WHR1: variants seen among roughly 807,000 people sequenced by gnomAD.
WHR1 encodes MHC class III HLA-RP1.
chr6:31,975,176 G>C, the WHR1 span, among the ~76,000 whole-genome samples: 1 of 150,892 alleles, frequency 6.6e-6, no homozygotes, highest in Admixed American at 6.6e-5. Flanking sequence ...GGTGACTGCT[G>C]TGGTCATTGT....
chr6:31,972,075 G>A, the WHR1 span: 3 of 1,612,982 alleles, frequency 1.9e-6, no homozygotes, highest in Non-Finnish European at 2.5e-6. The surrounding 1 kb of genome is among the most constrained non-coding windows in gnomAD (Gnocchi z 6.3). Context: ...GGGCGGGGGA[G>A]GTGTGAGCTT....
chr6:31,974,507 C>G, the WHR1 span, among the ~76,000 whole-genome samples: 3 of 152,146 alleles, frequency 2.0e-5, no homozygotes, highest in Non-Finnish European at 4.4e-5. Context: ...AGCTTGAAAC[C>G]AAAAGTTTGA....
At chr6:31,971,410 G>A in the WHR1 span, 2 of 1,605,122 alleles carry the variant, frequency 1.2e-6, no homozygotes, top group Non-Finnish European at 1.7e-6. The surrounding 1 kb of genome is among the most constrained non-coding windows in gnomAD (Gnocchi z 4.5). Context: ...GTATCGATCC[G>A]GGTATCCGTC....
At chr6:31,974,336 T>G in the WHR1 span, among the ~76,000 whole-genome samples, 1 of 149,538 alleles carries the variant, frequency 6.7e-6, no homozygotes, top group African/African-American at 2.5e-5. Context: ...AGTAAAGAGA[T>G]TTTTGAGAAA....
At chr6:31,975,201 CTTTTT>C in the WHR1 span, among the ~76,000 whole-genome samples, 1 of 136,920 alleles carries the variant, frequency 7.3e-6, no homozygotes. Flanking sequence ...TTAGTTTTCC[CTTTTT>C]TTTTTTTTTT....
chr6:31,976,085 G>A, the WHR1 span, among the ~76,000 whole-genome samples: 1 of 146,186 alleles, frequency 6.8e-6, no homozygotes, highest in Non-Finnish European at 1.5e-5. Flanking sequence ...CCGGGTGGGG[G>A]GCTGACCCCC....
At chr6:31,977,799 A>G in the WHR1 span, among the ~76,000 whole-genome samples, 3 of 149,398 alleles carry the variant, frequency 2.0e-5, no homozygotes, top group Non-Finnish European at 4.5e-5. Context: ...AGTTATTTTT[A>G]TTTTTATTTT....
At chr6:31,980,635 T>C in the WHR1 span, 1 of 1,580,356 alleles carries the variant, frequency 6.3e-7, no homozygotes, top group African/African-American at 1.5e-5. Flanking sequence ...TCCCCTTTCC[T>C]GTGCCACTTC....
At chr6:31,973,063 C>T in the WHR1 span, 2 of 644,264 alleles carry the variant, frequency 3.1e-6, no homozygotes, top group Non-Finnish European at 2.9e-6. Context: ...GTGTTGTTTC[C>T]ATCTTACACT....
At chr6:31,979,971 A>G in the WHR1 span, 11 of 205,066 alleles carry the variant, frequency 5.4e-5, no homozygotes, top group African/African-American at 2.3e-4. Context: ...GAGAGGCTGT[A>G]TCTGGCTCAG....
chr6:31,972,953 A>G, the WHR1 span: 4 of 970,142 alleles, frequency 4.1e-6, 1 homozygote, highest in East Asian at 7.8e-5. This position sits in a 1 kb window ranked among gnomAD's most constrained non-coding sequence, Gnocchi z 6.3. Flanking sequence ...TGGAGGTAGA[A>G]GAACGAGGCT....
chr6:31,971,228 C>T, the WHR1 span: 2 of 1,562,046 alleles, frequency 1.3e-6, no homozygotes, highest in Admixed American at 1.8e-5. This position sits in a 1 kb window ranked among gnomAD's most constrained non-coding sequence, Gnocchi z 4.5. Flanking sequence ...CTTGTTTCTT[C>T]TAAGGACTGA....
the WHR1 span, chr6:31,973,128 T>G: frequency 2.2e-6 from 1 of 464,436 alleles, no homozygotes; most frequent in Non-Finnish European, 4.1e-6. Flanking sequence ...GTATTGGAGA[T>G]AGTGGATGAG....
At chr6:31,977,454 G>A in the WHR1 span, among the ~76,000 whole-genome samples, 2 of 149,464 alleles carry the variant, frequency 1.3e-5, no homozygotes, top group Admixed American at 6.7e-5. Flanking sequence ...CCATTCTCCC[G>A]CCTCAGCCTC....
the WHR1 span, chr6:31,971,397 C>A: frequency 6.3e-7 from 1 of 1,596,520 alleles, no homozygotes; most frequent in Non-Finnish European, 8.6e-7. This position sits in a 1 kb window ranked among gnomAD's most constrained non-coding sequence, Gnocchi z 4.5. Context: ...CGTCCCGGGG[C>A]TGGTATCGAT....
chr6:31,975,934 CG>C, the WHR1 span, among the ~76,000 whole-genome samples: 1 of 134,784 alleles, frequency 7.4e-6, no homozygotes, highest in African/African-American at 2.8e-5. Context: ...CCCTCCCGGA[CG>C]GGGCGGCTGG....
chr6:31,972,415 A>T, the WHR1 span: 1 of 1,612,952 alleles, frequency 6.2e-7, no homozygotes, highest in South Asian at 1.1e-5. This position sits in a 1 kb window ranked among gnomAD's most constrained non-coding sequence, Gnocchi z 6.3. Context: ...CCGGGATATG[A>T]GCTGGAAGAG....
At chr6:31,979,092 A>C in the WHR1 span, 3 of 1,321,048 alleles carry the variant, frequency 2.3e-6, no homozygotes, top group Non-Finnish European at 3.2e-6. Flanking sequence ...AAAAGAAAGA[A>C]TTTCCCTGCC....
the WHR1 span, chr6:31,972,186 C>T: frequency 6.2e-7 from 1 of 1,611,666 alleles, no homozygotes; most frequent in Non-Finnish European, 8.5e-7. The surrounding 1 kb of genome is among the most constrained non-coding windows in gnomAD (Gnocchi z 6.3). Flanking sequence ...CCGCGGCCGG[C>T]GTGGGGCCCG....
Sources: gnomAD v4.1 joint callset for allele counts (sites outside exome capture counted in the v4.1 genomes callset) on GRCh38, gnomAD v4.1.1 for gene constraint, Gnocchi (gnomAD v3.1) non-coding constraint, MANE v1.5 for transcripts, NCBI Gene and HGNC (gene_info 2026-07-23, HGNC 2026-07-21) for gene names.